KAZN: variants seen among roughly 807,000 people sequenced by gnomAD.
The protein encoded by KAZN is kazrin.
KAZN carries 40 observed loss-of-function variants against 87.4 expected under a neutral mutation model. The observed-to-expected ratio is 0.46, with a 90% CI of 0.36 to 0.60. KAZN has a LOEUF of 0.60. Ranked by LOEUF, KAZN falls within the 20% of genes least tolerant of loss-of-function variation. The pLI is 0.00. For synonymous variants in KAZN, 466 were observed against 458.3 expected, an observed-to-expected ratio of 1.02 and a Z score of -0.22; for missense variants, 898 against 1,073.9, an observed-to-expected ratio of 0.84 and a Z score of 2.29.
chr1:14,149,058 C>G (rs1469140863), intron 1 of KAZN, among the ~76,000 whole-genome samples: 1 of 101,870 alleles, frequency 9.8e-6, no homozygotes, highest in Non-Finnish European at 1.9e-5. Flanking sequence ...TGCCTGCCTT[C>G]CTGCCTTCCT....
Position 14,399,210 on chromosome 1 carries a change from TCTCA to T in KAZN, c.250-199770_250-199767del, listed in dbSNP as rs534792876. Among the ~76,000 whole-genome samples the T allele has an allele frequency of 6.6e-4, 100 of 152,006 alleles. No individual in the cohort carries two copies. In the South Asian group the frequency reaches 0.012, roughly 19 times the overall value. Reference sequence around the variant, plus strand: ...TTATTTATTTTTAGTGGAGATGAGGTCTCACTATGTTGCGCAGGCTGGTCTCAAA... The same window carrying T: ...TTATTTATTTTTAGTGGAGATGAGGTCTATGTTGCGCAGGCTGGTCTCAAA... On this transcript the variant is annotated intron_variant, in intron 2 of 16. Transcript: ENST00000636203.
chr1:14,532,833 G>A (rs1453091228), intron 2 of KAZN, among the ~76,000 whole-genome samples: 1 of 151,888 alleles, frequency 6.6e-6, no homozygotes, highest in Non-Finnish European at 1.5e-5. Flanking sequence ...GTATTCCATG[G>A]TGTATATGTG....
intron 1 of KAZN, among the ~76,000 whole-genome samples, chr1:14,659,152 T>C (rs1638994582): frequency 6.6e-6 from 1 of 152,084 alleles, no homozygotes; most frequent in Non-Finnish European, 1.5e-5. Flanking sequence ...GCACAAGAAT[T>C]GCTTGAACCC....
At chr1:14,612,551 C>T (rs2148623559) in intron 1 of KAZN, among the ~76,000 whole-genome samples, 1 of 152,288 alleles carries the variant, frequency 6.6e-6, no homozygotes, top group African/African-American at 2.4e-5. Flanking sequence ...TACTGTGGGA[C>T]ATTCCAGCTC....
chr1:14,768,118 C>G (rs183208844), intron 1 of KAZN, among the ~76,000 whole-genome samples: 50 of 152,288 alleles, frequency 3.3e-4, no homozygotes, highest in Admixed American at 2.9e-3. Context: ...TCAACTCTCA[C>G]TACGGTATGA....
intron 1 of KAZN, among the ~76,000 whole-genome samples, chr1:14,086,518 G>A (rs552655031): frequency 1.3e-5 from 2 of 152,064 alleles, no homozygotes; most frequent in African/African-American, 4.8e-5. Context: ...AATATTAAAA[G>A]GTTTTAATTT....
intron 1 of KAZN, among the ~76,000 whole-genome samples, chr1:14,701,946 C>T (rs1193813839): frequency 1.3e-5 from 2 of 152,172 alleles, no homozygotes; most frequent in Non-Finnish European, 2.9e-5. Context: ...AGTATCTCTG[C>T]CTCCCTGATT....
chr1:15,005,219 T>G (rs904311289), intron 2 of KAZN, among the ~76,000 whole-genome samples: 36 of 152,168 alleles, frequency 2.4e-4, no homozygotes, highest in African/African-American at 8.7e-4. Flanking sequence ...AAAAAACATG[T>G]TTTTAATCCA....
intron 2 of KAZN, among the ~76,000 whole-genome samples, chr1:14,558,911 G>C (rs539084214): frequency 6.6e-6 from 1 of 152,250 alleles, no homozygotes; most frequent in East Asian, 1.9e-4. Flanking sequence ...TGGAGAACCA[G>C]GAGTCTCTCT....
chr1:14,743,156 G>A (rs1465887994), intron 1 of KAZN, among the ~76,000 whole-genome samples: 1 of 152,208 alleles, frequency 6.6e-6, no homozygotes, highest in African/African-American at 2.4e-5. Flanking sequence ...GTAGGTTCAG[G>A]TGTGGTGGCT....
intron 2 of KAZN, among the ~76,000 whole-genome samples, chr1:14,312,881 G>A (rs13375920): frequency 1.3e-5 from 2 of 151,690 alleles, no homozygotes; most frequent in Non-Finnish European, 2.9e-5. Context: ...CCTTCCCCAG[G>A]TGAGCCTTGA....
chr1:14,138,685 A>G (rs1345717974), intron 1 of KAZN, among the ~76,000 whole-genome samples: 1 of 152,140 alleles, frequency 6.6e-6, no homozygotes, highest in African/African-American at 2.4e-5. Context: ...CTCGTTTCTC[A>G]ATAGCTCCCC....
Position 14,112,289 on chromosome 1 carries a change from G to A in KAZN, c.92-68146G>A, listed in dbSNP as rs1008943562. Among the ~76,000 whole-genome samples, 3 of 133,956 alleles carry A rather than the reference G, an allele frequency of 2.2e-5. 1 individual carries two copies. Among genetic ancestry groups the A allele is most frequent in the African/African-American group, 8.7e-5 (3 of 34,464 alleles). The allele number at this position is 133,956 out of a possible 152,430, so 87.9% of individuals were successfully genotyped here. On this transcript the variant is annotated intron_variant, in intron 1 of 16. Transcript: ENST00000636203. The stretch of plus-strand genomic sequence containing the variant: ...CTAGAAGGTGAGCTCCTGATCTGGT[G>A]TGTTCATTCGTGTATCTGCAGCACT...
At chr1:14,594,854 C>T (rs541210754), upstream of KAZN, among the ~76,000 whole-genome samples, 1 of 152,250 alleles carries the variant, frequency 6.6e-6, no homozygotes, top group African/African-American at 2.4e-5. Context: ...ACACAGATTC[C>T]GCTGACCAAC....
At chr1:14,965,001 G>A (rs1386231323) in intron 2 of KAZN, among the ~76,000 whole-genome samples, 1 of 151,976 alleles carries the variant, frequency 6.6e-6, no homozygotes, top group Non-Finnish European at 1.5e-5. Context: ...GCAGAAGCCT[G>A]AATGATTGTT....
At chr1:14,056,669 C>T (rs964982715) in intron 1 of KAZN, among the ~76,000 whole-genome samples, 3 of 152,126 alleles carry the variant, frequency 2.0e-5, no homozygotes, top group Non-Finnish European at 4.4e-5. Flanking sequence ...CAGAGAGGTT[C>T]GGAGGTGGTT....
At chr1:14,955,043 G>T (rs960842555) in intron 1 of KAZN, among the ~76,000 whole-genome samples, 5 of 152,152 alleles carry the variant, frequency 3.3e-5, no homozygotes, top group Admixed American at 3.3e-4. Flanking sequence ...ACACAAAATC[G>T]GTAGCATTCA....
chr1:14,961,860 G>C (rs996441149), intron 2 of KAZN, among the ~76,000 whole-genome samples: 4 of 152,210 alleles, frequency 2.6e-5, no homozygotes, highest in African/African-American at 9.6e-5. Context: ...GAGGCTTAAA[G>C]AATCTGTTTC....
Position 15,117,250 on chromosome 1 carries a change from G to C in KAZN, c.*2615G>C, listed in dbSNP as rs2100768796. The C allele has an allele frequency of 6.6e-6, 1 of 152,488 alleles. No homozygotes were observed. Among genetic ancestry groups the C allele is most frequent in the South Asian group, 2.1e-4 (1 of 4,838 alleles). The allele number at this position is 152,488 out of a possible 1,614,324, so 9.4% of individuals were successfully genotyped here. A position where few individuals can be genotyped will look rare whatever the true frequency, so the allele number is the denominator to read the frequency against. ...GCTACATCCTGTCCAAGCAGCCCGA[G>C]TGTGGTCTTGGTCCCTGCAGGGCAA... On this transcript the variant is annotated 3_prime_UTR_variant, in exon 15 of 15. Transcript: ENST00000376030.
Sources: gnomAD v4.1 joint callset for allele counts (sites outside exome capture counted in the v4.1 genomes callset) on GRCh38, gnomAD v4.1.1 for gene constraint, MANE v1.5 for transcripts, NCBI Gene and HGNC (gene_info 2026-07-23, HGNC 2026-07-21) for gene names.